Variants in SHANK2 observed in about 807,000 individuals in gnomAD.
The protein encoded by SHANK2 is SH3 and multiple ankyrin repeat domains protein 2.
In SHANK2, 43 loss-of-function variants were observed where a neutral mutation model predicts 133.7. The observed-to-expected ratio is 0.32, with a 90% CI of 0.25 to 0.41. The LOEUF (loss-of-function observed/expected upper bound fraction) is 0.41, where lower values mean the gene tolerates loss of function less well. Ranked by LOEUF, SHANK2 falls within the 10% of genes least tolerant of loss-of-function variation. The pLI, the probability that SHANK2 is intolerant of heterozygous loss-of-function variation, is 1.00. For missense variants in SHANK2, 1,994 were observed against 2,235.8 expected (o/e 0.89, Z 2.18); for synonymous variants, 1,017 against 952.8 (o/e 1.07, Z -1.24).
chr11:70,937,192 T>G (rs1590851788), intron 10 of SHANK2, among the ~76,000 whole-genome samples: 1 of 151,660 alleles, frequency 6.6e-6, no homozygotes, highest in East Asian at 1.9e-4. Flanking sequence ...TCTAGAAGAG[T>G]TTAAGAGTCA....
intron 2 of SHANK2, among the ~76,000 whole-genome samples, chr11:71,215,780 C>CA (rs1437137042): frequency 2.0e-5 from 3 of 152,212 alleles, no homozygotes; most frequent in Non-Finnish European, 4.4e-5. Flanking sequence ...CCAGACATGA[C>CA]ACCCCAGAAG....
intron 11 of SHANK2, among the ~76,000 whole-genome samples, chr11:70,857,229 G>A (rs1309465733): frequency 2.6e-5 from 4 of 152,284 alleles, no homozygotes; most frequent in Admixed American, 2.6e-4. Flanking sequence ...CAAGTAAGCG[G>A]GCCTCAGCTC....
intron 2 of SHANK2, among the ~76,000 whole-genome samples, chr11:71,219,369 C>T (rs1954489185): frequency 6.6e-6 from 1 of 152,172 alleles, no homozygotes; most frequent in African/African-American, 2.4e-5. Flanking sequence ...ACAAATTACA[C>T]ATCTGACCAG....
chr11:70,640,827 T>C (rs1188511885), intron 17 of SHANK2, among the ~76,000 whole-genome samples: 1 of 152,204 alleles, frequency 6.6e-6, no homozygotes, highest in Non-Finnish European at 1.5e-5. Flanking sequence ...CAAGTCCACC[T>C]TGCAGAGCTC....
At position 71,252,145 on chromosome 11, in the gene SHANK2, C is replaced by T. The variant is rs1449614901; in HGVS notation, c.-113+280G>A. 2.0e-5 allele frequency among the ~76,000 whole-genome samples: 3 copies of T among 152,186 alleles called. No homozygotes were observed. The highest frequency in any genetic ancestry group is 7.2e-5 in the African/African-American group (3 of 41,460). Reference sequence around the variant, plus strand: ...GGCTCCTTCCTGCGCTCTGCCCCCACGCCGCTTCCAAAGCTTTCGACACCG... The same window carrying T: ...GGCTCCTTCCTGCGCTCTGCCCCCATGCCGCTTCCAAAGCTTTCGACACCG... On this transcript the variant is annotated intron_variant, in intron 1 of 25. Coordinates refer to ENST00000601538, the MANE Select transcript of SHANK2 (RefSeq NM_012309.5). The surrounding 1 kb of genome is among the most constrained non-coding windows in gnomAD (Gnocchi z 6.3).
At chr11:70,783,333 A>T (rs1189657370) in intron 14 of SHANK2, among the ~76,000 whole-genome samples, 1 of 152,162 alleles carries the variant, frequency 6.6e-6, no homozygotes, top group Non-Finnish European at 1.5e-5. Flanking sequence ...ATGGAAGGGC[A>T]CCCACGTTTA....
chr11:71,251,768 G>C (rs1468123710), intron 1 of SHANK2, among the ~76,000 whole-genome samples: 3 of 150,748 alleles, frequency 2.0e-5, no homozygotes, highest in Non-Finnish European at 4.4e-5. Context: ...CGCCCGACCC[G>C]CCACCCCCGG....
In SHANK2 at chr11:71,109,993, G is replaced by C; in HGVS notation, c.540C>G (p.Thr180=). The C allele has an allele frequency of 6.4e-7, 1 of 1,551,710 alleles. No homozygotes were observed. The highest frequency in any genetic ancestry group is 8.7e-7 in the Non-Finnish European group (1 of 1,146,950). ...GATCCAGGCCTCGGTCCAGCATCTT[G>C]GTGATCTTCTCCACCAAGCGATGCT... ...HIQHRLVEKI[T]KMLDRGLDPN... is the part of the protein sequence containing the mutation. Residue 180 remains threonine (T), a synonymous_variant, in exon 6 of 26, where the codon ACC becomes ACG. Coordinates refer to ENST00000601538, the MANE Select transcript of SHANK2 (RefSeq NM_012309.5).
intron 11 of SHANK2, among the ~76,000 whole-genome samples, chr11:70,849,135 G>C (rs1404214569): frequency 6.6e-6 from 1 of 152,108 alleles, no homozygotes; most frequent in Non-Finnish European, 1.5e-5. Context: ...AGGACACAAG[G>C]CACAATTACC....
intron 14 of SHANK2, among the ~76,000 whole-genome samples, chr11:70,749,781 A>T (rs782570882): frequency 6.6e-6 from 1 of 152,260 alleles, no homozygotes; most frequent in Non-Finnish European, 1.5e-5. Flanking sequence ...GAACTTGACA[A>T]ATCAATGACA....
At chr11:70,791,351 C>T (rs1334881512) in intron 14 of SHANK2, among the ~76,000 whole-genome samples, 1 of 152,250 alleles carries the variant, frequency 6.6e-6, no homozygotes, top group African/African-American at 2.4e-5. Context: ...TGTAATTAAG[C>T]ACCAATTTTC....
At chr11:70,935,864 C>CT (rs1161424466) in intron 10 of SHANK2, among the ~76,000 whole-genome samples, 1 of 152,182 alleles carries the variant, frequency 6.6e-6, no homozygotes, top group African/African-American at 2.4e-5. Flanking sequence ...GGGCCTCTTA[C>CT]ACCGCCCCCG....
At chr11:71,141,389 T>C (rs1952551426) in intron 3 of SHANK2, among the ~76,000 whole-genome samples, 1 of 152,052 alleles carries the variant, frequency 6.6e-6, no homozygotes, top group South Asian at 2.1e-4. Context: ...TAATCCCAGC[T>C]ACTCAGGAGG....
At chr11:70,941,781 T>C (rs1385946609) in intron 10 of SHANK2, among the ~76,000 whole-genome samples, 1 of 152,184 alleles carries the variant, frequency 6.6e-6, no homozygotes, top group Admixed American at 6.5e-5. Context: ...GTCTGTTGTG[T>C]AACACCTCCC....
chr11:70,761,404 G>A (rs1555040189), intron 14 of SHANK2, among the ~76,000 whole-genome samples: 1 of 152,192 alleles, frequency 6.6e-6, no homozygotes, highest in African/African-American at 2.4e-5. Context: ...TTTCTGGTGT[G>A]TGAGCCCCAG....
At chr11:70,940,176 T>C (rs1473776303) in intron 10 of SHANK2, among the ~76,000 whole-genome samples, 8 of 23,978 alleles carry the variant, frequency 3.3e-4, no homozygotes, top group African/African-American at 8.2e-4. Flanking sequence ...CCTTCCTTCC[T>C]TCCTTCCTTA....
chr11:71,199,110 G>A (rs1359480689), intron 2 of SHANK2, among the ~76,000 whole-genome samples: 2 of 152,218 alleles, frequency 1.3e-5, no homozygotes, highest in Admixed American at 1.3e-4. Flanking sequence ...AGAGACCAGA[G>A]ACAGTCTCAG....
intron 3 of SHANK2, among the ~76,000 whole-genome samples, chr11:71,142,221 G>A (rs566222723): frequency 3.9e-5 from 6 of 152,306 alleles, no homozygotes; most frequent in Admixed American, 1.3e-4. Flanking sequence ...ATGGCAGGCC[G>A]GGCGCGGTGG....
At chr11:70,589,065 C>T (rs1554987459) in intron 17 of SHANK2, among the ~76,000 whole-genome samples, 2 of 152,208 alleles carry the variant, frequency 1.3e-5, no homozygotes, top group South Asian at 2.1e-4. Context: ...GACCCTTCCA[C>T]CTCGGCCTCC....
Sources: gnomAD v4.1 joint callset for allele counts (sites outside exome capture counted in the v4.1 genomes callset) on GRCh38, gnomAD v4.1.1 for gene constraint, Gnocchi (gnomAD v3.1) non-coding constraint, MANE v1.5 for transcripts, NCBI Gene and HGNC (gene_info 2026-07-23, HGNC 2026-07-21) for gene names.